Variants in DLGAP2 observed in about 807,000 individuals in gnomAD.
DLGAP2 encodes the protein disks large-associated protein 2.
A neutral mutation model predicts 100.3 loss-of-function variants in DLGAP2; 26 were observed. The observed-to-expected ratio is 0.26, with a 90% CI of 0.19 to 0.36. DLGAP2 has a LOEUF of 0.36. Ranked by LOEUF, DLGAP2 falls within the 10% of genes least tolerant of loss-of-function variation. The pLI, the probability that DLGAP2 is intolerant of heterozygous loss-of-function variation, is 1.00. For synonymous variants in DLGAP2, 886 were observed against 630.1 expected, an observed-to-expected ratio of 1.41 and a Z score of -6.08; for missense variants, 1,858 against 1,453.2, an observed-to-expected ratio of 1.28 and a Z score of -4.53.
intron 2 of DLGAP2, among the ~76,000 whole-genome samples, chr8:1,192,064 C>T (rs1281135616): frequency 6.6e-6 from 1 of 152,154 alleles, no homozygotes; most frequent in East Asian, 1.9e-4. Context: ...TCCCAGGGCT[C>T]TCTGAGATGG....
At chr8:1,027,306 T>C (rs1175847551) in intron 2 of DLGAP2, among the ~76,000 whole-genome samples, 1 of 152,200 alleles carries the variant, frequency 6.6e-6, no homozygotes, top group Non-Finnish European at 1.5e-5. Flanking sequence ...GGGTGCCCAT[T>C]ATTCTCCAGA....
At chr8:800,545 A>G (rs1250937760) in intron 1 of DLGAP2, among the ~76,000 whole-genome samples, 1 of 152,142 alleles carries the variant, frequency 6.6e-6, no homozygotes, top group Non-Finnish European at 1.5e-5. Flanking sequence ...GGGAGTTGAG[A>G]TTGACATGAT....
chr8:1,149,368 C>T (rs755103984), intron 2 of DLGAP2, among the ~76,000 whole-genome samples: 3 of 151,970 alleles, frequency 2.0e-5, no homozygotes, highest in South Asian at 4.2e-4. Flanking sequence ...AGGATGGTCT[C>T]GATCTCCGGA....
intron 2 of DLGAP2, among the ~76,000 whole-genome samples, chr8:1,072,168 A>G (rs935820): frequency 0.39 from 59,867 of 151,946 alleles, 12,018 homozygotes; most frequent in African/African-American, 0.49. Context: ...CAGTTACAGA[A>G]AAGTTGGTGA....
intron 2 of DLGAP2, among the ~76,000 whole-genome samples, chr8:1,090,738 G>T (rs1217720929): frequency 6.6e-6 from 1 of 152,184 alleles, no homozygotes; most frequent in African/African-American, 2.4e-5. Context: ...CTGTTTCCAA[G>T]TTTTTATCCT....
Position 1,008,979 on chromosome 8 carries a change from C to T in DLGAP2, c.73+101013C>T, listed in dbSNP as rs557720777. Among the ~76,000 whole-genome samples the T allele has an allele frequency of 2.0e-5, 3 of 152,380 alleles. No homozygotes were observed. In the South Asian group the frequency reaches 6.2e-4, roughly 32 times the overall value. On this transcript the variant is annotated intron_variant, in intron 2 of 14. Coordinates refer to ENST00000637795, the MANE Select transcript of DLGAP2 (RefSeq NM_001346810.2). ...CTCCTGGGTATGCAGAATCGCACTGCCATGGCCAGACCCTTCCTCGCAGGC... is the reference window on the plus strand; with the variant it reads ...CTCCTGGGTATGCAGAATCGCACTGTCATGGCCAGACCCTTCCTCGCAGGC...
intron 3 of DLGAP2, among the ~76,000 whole-genome samples, chr8:1,280,991 G>A (rs763771354): frequency 2.0e-5 from 3 of 152,184 alleles, no homozygotes; most frequent in Non-Finnish European, 4.4e-5. Flanking sequence ...GAATCCTTAC[G>A]ATAGCTCCAC....
chr8:1,337,154 GTGA>G (rs1329356123), intron 3 of DLGAP2, among the ~76,000 whole-genome samples: 10 of 147,608 alleles, frequency 6.8e-5, no homozygotes, highest in Admixed American at 1.3e-4. Flanking sequence ...GAGAATGATG[GTGA>G]TGATGGTGGT....
chr8:1,262,374 A>C (rs1267604106), intron 3 of DLGAP2: 3 of 152,234 alleles, frequency 2.0e-5, no homozygotes, highest in African/African-American at 4.8e-5. Context: ...AAATGTTTAA[A>C]AGATTGATTA....
intron 2 of DLGAP2, among the ~76,000 whole-genome samples, chr8:1,060,841 G>A (rs150456215): frequency 2.0e-5 from 3 of 152,364 alleles, no homozygotes; most frequent in African/African-American, 4.8e-5. Context: ...CACAGCCAGG[G>A]CAGCCTGGGA....
At chr8:1,508,292 C>G (rs1325103303) in intron 4 of DLGAP2, among the ~76,000 whole-genome samples, 1 of 113,572 alleles carries the variant, frequency 8.8e-6, no homozygotes, top group East Asian at 2.6e-4. Flanking sequence ...CGCAAACCCC[C>G]GCCACCCCCT....
intron 1 of DLGAP2, among the ~76,000 whole-genome samples, chr8:808,354 C>G (rs930277400): frequency 6.6e-6 from 1 of 152,170 alleles, no homozygotes; most frequent in East Asian, 1.9e-4. Context: ...GCCTGAAGTT[C>G]GTGGTGTGGG....
intron 2 of DLGAP2, among the ~76,000 whole-genome samples, chr8:989,034 C>T (rs562653383): frequency 1.8e-4 from 27 of 152,316 alleles, no homozygotes; most frequent in African/African-American, 6.5e-4. Flanking sequence ...TCTCTGCTGT[C>T]GAGGGCTCTC....
chr8:829,782 C>A (rs566950170), intron 1 of DLGAP2, among the ~76,000 whole-genome samples: 1 of 152,116 alleles, frequency 6.6e-6, no homozygotes, highest in South Asian at 2.1e-4. Flanking sequence ...TTTATATTAA[C>A]GAAAATTGAT....
intron 12 of DLGAP2, among the ~76,000 whole-genome samples, chr8:1,687,663 T>C (rs947079033): frequency 2.0e-5 from 3 of 152,234 alleles, no homozygotes; most frequent in African/African-American, 4.8e-5. Context: ...ACCAAGATTT[T>C]GCCCATGTGT....
chr8:1,693,985 C>A (rs1799317726), intron 13 of DLGAP2, among the ~76,000 whole-genome samples: 1 of 152,196 alleles, frequency 6.6e-6, no homozygotes, highest in African/African-American at 2.4e-5. Context: ...TAGGCAGGCA[C>A]TGTCTTTAGG....
intron 2 of DLGAP2, among the ~76,000 whole-genome samples, chr8:1,190,406 TGCTGTTGGGGCATC>T (rs1563242243): frequency 2.7e-5 from 1 of 37,452 alleles, no homozygotes; most frequent in East Asian, 4.5e-4. Context: ...TCGGGGCATC[TGCTGTTGGGGCATC>T]TGCTGTTGGG....
chr8:1,686,817 C>T (rs1799127652), intron 12 of DLGAP2, among the ~76,000 whole-genome samples: 1 of 152,094 alleles, frequency 6.6e-6, no homozygotes, highest in Non-Finnish European at 1.5e-5. Flanking sequence ...TACAATAGTA[C>T]AGTAAGAAAA....
chr8:843,693 G>A (rs759015516), intron 1 of DLGAP2, among the ~76,000 whole-genome samples: 13 of 152,346 alleles, frequency 8.5e-5, no homozygotes, highest in African/African-American at 3.1e-4. Flanking sequence ...GTGATGTGAT[G>A]TGTGATATGA....
Sources: allele counts gnomAD v4.1 joint callset (sites outside exome capture counted in the v4.1 genomes callset), GRCh38; gene constraint gnomAD v4.1.1; transcripts MANE v1.5; gene names NCBI Gene and HGNC (gene_info 2026-07-23, HGNC 2026-07-21).